Variants in FAM83E observed in about 807,000 individuals in gnomAD.
FAM83E encodes scaffolding CK1 anchoring protein E, also known as protein FAM83E.
In FAM83E, 29 loss-of-function variants were observed where a neutral mutation model predicts 34.3. The ratio of observed to expected loss-of-function variants is 0.85; its 90% confidence interval spans 0.63 to 1.15. The LOEUF is 1.15. FAM83E is among the 50% of genes most tolerant of loss of function. The pLI is 0.00. For synonymous variants in FAM83E, 312 were observed against 311.6 expected (o/e 1.00, Z -0.01); for missense variants, 697 against 685.0 (o/e 1.02, Z -0.20).
rs1974013737 is a variant in FAM83E at position 48,610,015 on chromosome 19, A to C, written c.634-15T>G. 6.2e-7 allele frequency: 1 copy of C among 1,609,092 alleles called. No homozygotes were observed. Among genetic ancestry groups the C allele is most frequent in the Non-Finnish European group, 8.5e-7 (1 of 1,179,680 alleles). On this transcript the variant is annotated splice_polypyrimidine_tract_variant and intron_variant, in intron 4 of 6. Transcript: ENST00000263266. Reference sequence around the variant, plus strand: ...ACATCCACGTTCTGTTGGTGTGGGGAGTGGAGGGTACACCCTTGCTGAGGC... The same window carrying C: ...ACATCCACGTTCTGTTGGTGTGGGGCGTGGAGGGTACACCCTTGCTGAGGC...
rs1262989650 is a variant in FAM83E at position 48,601,119 on chromosome 19, C to T, written c.1427G>A (p.Gly476Glu). Residue 476 changes from glycine to glutamate, a missense_variant, in exon 7 of 7, where the codon GGG (glycine) becomes GAG (glutamate). Coordinates refer to ENST00000263266, the MANE Select transcript of FAM83E (RefSeq NM_017708.4). The stretch of plus-strand genomic sequence containing the variant: ...GGCTTGGGCTCCTGTTCAGGGTTGC[C>T]CCCCAAGTCCTGCCCGGGGGGCCCA... ...SDWAPRAGLG[G>E]QP The T allele has an allele frequency of 1.2e-6, 2 of 1,611,174 alleles. No homozygotes were observed. The highest frequency in any genetic ancestry group is 1.7e-4 in the Middle Eastern group (1 of 6,048).
intron 3 of FAM83E, 118 bp from the exon 4 acceptor site, chr19:48,610,965 G>T: frequency 2.8e-6 from 3 of 1,065,042 alleles, no homozygotes; most frequent in African/African-American, 1.6e-5. Context: ...GGGGCTGGGA[G>T]TTTAAAGTTC....
chr19:48,610,575 G>C (rs1239673264), intron 4 of FAM83E, 105 bp downstream of exon 4: 1 of 1,326,012 alleles, frequency 7.5e-7, no homozygotes. Context: ...GACCATCCCT[G>C]CTAGCATCCA....
chr19:48,611,385 G>C (rs1974039724), intron 3 of FAM83E, among the ~76,000 whole-genome samples: 1 of 151,360 alleles, frequency 6.6e-6, no homozygotes, highest in Non-Finnish European at 1.5e-5. Flanking sequence ...AGCCAGGATG[G>C]TCTCGATCTC....
Position 48,613,916 on chromosome 19 carries a change from C to T in FAM83E, c.-544G>A. The T allele has an allele frequency of 1.0e-6, 1 of 985,438 alleles. No individual in the cohort carries two copies. The highest frequency in any genetic ancestry group is 1.2e-6 in the Non-Finnish European group (1 of 829,940). 61.0% of individuals were successfully genotyped at this position (985,438 alleles called of 1,614,324 possible). On this transcript the variant is annotated 5_prime_UTR_variant, in exon 3 of 7. Transcript: ENST00000263266. ...GGCACGACAGGTTGCCTGCCTGCCCCCGGCCAAGAGCACGACGAACTGACC... is the reference window on the plus strand; with the variant it reads ...GGCACGACAGGTTGCCTGCCTGCCCTCGGCCAAGAGCACGACGAACTGACC...
chr19:48,605,019 CAAAAAAAAA>C (rs72014229), intron 5 of FAM83E, among the ~76,000 whole-genome samples: 18 of 75,712 alleles, frequency 2.4e-4, no homozygotes, highest in South Asian at 1.6e-3. Context: ...GACTCTGACT[CAAAAAAAAA>C]AAAAAAAAAA....
At chr19:48,610,581 A>C in intron 4 of FAM83E, 99 bp downstream of exon 4, 1 of 1,347,150 alleles carries the variant, frequency 7.4e-7, no homozygotes, top group South Asian at 1.5e-5. Flanking sequence ...CCCTGCTAGC[A>C]TCCATCTCAA....
chr19:48,600,867 G>T lies in FAM83E; in HGVS notation c.*242C>A. On this transcript the variant is annotated 3_prime_UTR_variant, in exon 7 of 7. Coordinates refer to ENST00000263266, the MANE Select transcript of FAM83E (RefSeq NM_017708.4). ...GGGGTCTCACTATGTTGCCCAGGCT[G>T]GTCTCCAACTCCTGGCCTTAAGCAA... The T allele has an allele frequency of 1.5e-6, 1 of 670,690 alleles. No homozygotes were observed. Among genetic ancestry groups the T allele is most frequent in the Non-Finnish European group, 2.2e-6 (1 of 455,098 alleles). 41.5% of individuals were successfully genotyped at this position (670,690 alleles called of 1,614,324 possible).
chr19:48,606,138 C>G (rs1242511731), intron 5 of FAM83E, among the ~76,000 whole-genome samples: 1 of 151,974 alleles, frequency 6.6e-6, no homozygotes, highest in Admixed American at 6.6e-5. Flanking sequence ...TGGTGAAACC[C>G]TGTCTCTACT....
At chr19:48,603,169 C>T (rs1052380887) in intron 6 of FAM83E, among the ~76,000 whole-genome samples, 1 of 152,000 alleles carries the variant, frequency 6.6e-6, no homozygotes, top group Non-Finnish European at 1.5e-5. Flanking sequence ...GGAATGAGTG[C>T]CCTTGCTCTG....
rs1249051299 is a variant in FAM83E, at chr19:48,613,012, C to T, written c.361G>A (p.Ala121Thr). 3 of 1,604,754 alleles carry T rather than the reference C, an allele frequency of 1.9e-6. No homozygotes were observed. Among genetic ancestry groups the T allele is most frequent in the South Asian group, 2.2e-5 (2 of 89,760 alleles). ...VLRLGWPVDS[A>T]WKGITRAQLY... ...TGCGCCCGGGTGATGCCTTTCCACG[C>T]AGAGTCCACTGGCCAGCCCAGCCGC... The change falls in exon 3 of 7, where the codon GCG (alanine) becomes ACG (threonine). Residue 121 changes from alanine (A) to threonine (T), a missense_variant. By Grantham distance (58) the Ala-to-Thr change is moderately conservative. Transcript: ENST00000263266.
In FAM83E at chr19:48,600,993, AGACGCC is replaced by A. The variant is rs551037769; in HGVS notation, c.*110_*115del. 3.1e-4 allele frequency: 460 copies of A among 1,478,258 alleles called. 3 individuals are homozygous for A. In the South Asian group the frequency reaches 6.0e-3, roughly 19 times the overall value. 91.6% of individuals were successfully genotyped at this position (1,478,258 alleles called of 1,614,324 possible). A position where few individuals can be genotyped will look rare whatever the true frequency, so the allele number is the denominator to read the frequency against. On this transcript the variant is annotated 3_prime_UTR_variant, in exon 7 of 7. Coordinates refer to ENST00000263266, the MANE Select transcript of FAM83E (RefSeq NM_017708.4). ...GTGACAAACATCCCTTCTGCTTGAC[AGACGCC>A]GAGGCCAGAAGCCTTGTCCAAGGCA... is the stretch of plus-strand genomic sequence containing the variant.
chr19:48,611,619 C>G (rs1290164256), intron 3 of FAM83E, among the ~76,000 whole-genome samples: 1 of 152,188 alleles, frequency 6.6e-6, no homozygotes, highest in Admixed American at 6.5e-5. Flanking sequence ...AGGCACCCAC[C>G]ACCACGCCCG....
chr19:48,600,650 C>CT lies in FAM83E; in HGVS notation c.*458dup, dbSNP rs780157808. ...CGATCAGCCTTTCTTTTTCTTTTTT[C>CT]TTTTTTTTTTTTTTTTAAAGAGATG... On this transcript the variant is annotated 3_prime_UTR_variant, in exon 7 of 7. Transcript: ENST00000263266. 0.013 allele frequency among the ~76,000 whole-genome samples: 1,722 copies of CT among 136,670 alleles called. 28 individuals are homozygous for CT. The highest frequency in any genetic ancestry group is 0.038 in the African/African-American group (1,400 of 37,282). 89.7% of individuals were successfully genotyped at this position (136,670 alleles called of 152,430 possible).
chr19:48,610,310 A>G (rs1317574377), intron 4 of FAM83E, among the ~76,000 whole-genome samples: 3 of 148,980 alleles, frequency 2.0e-5, no homozygotes, highest in African/African-American at 7.5e-5. Context: ...AAGGCAGGAG[A>G]ATCGTTTGAA....
chr19:48,607,972 C>T (rs1422641210), intron 5 of FAM83E, among the ~76,000 whole-genome samples: 2 of 152,168 alleles, frequency 1.3e-5, no homozygotes, highest in Non-Finnish European at 2.9e-5. Context: ...ATCCTGGTCT[C>T]AACTCCAATC....
chr19:48,606,618 C>T (rs1973932785), intron 5 of FAM83E: 1 of 272,388 alleles, frequency 3.7e-6, no homozygotes, highest in African/African-American at 2.1e-5. Flanking sequence ...ATGGCAGAGC[C>T]CTCTTGCGCC....
chr19:48,602,165 A>AAAAAAAAAAAAAAAAG (rs1973828651), intron 6 of FAM83E, among the ~76,000 whole-genome samples: 3 of 125,004 alleles, frequency 2.4e-5, no homozygotes, highest in Non-Finnish European at 5.1e-5. Flanking sequence ...AAAAAAAAAA[A>AAAAAAAAAAAAAAAAG]TGGGTGGAGG....
In FAM83E at chr19:48,603,704, G is replaced by A. The variant is rs754452296; in HGVS notation, c.966C>T (p.Pro322=). 1.9e-4 allele frequency: 256 copies of A among 1,380,426 alleles called. 2 individuals carry two copies. The South Asian group carries it at 2.1e-3, about 11-fold the overall frequency. The allele number at this position is 1,380,426 out of a possible 1,614,324, so 85.5% of individuals were successfully genotyped here. Residue 322 remains proline, a synonymous_variant, in exon 6 of 7, where the codon CCC becomes CCT. Transcript: ENST00000263266. The stretch of plus-strand genomic sequence containing the variant: ...GGCCGTCAGGCGGCGGAGGCGACGC[G>A]GGGGCCACGGAGCGGCGGCGGGACA... ...HRVSRRRSVA[P]ASPPPPDGPL...
Sources: gnomAD v4.1 joint callset for allele counts (sites outside exome capture counted in the v4.1 genomes callset) on GRCh38, gnomAD v4.1.1 for gene constraint, MANE v1.5 for transcripts, NCBI Gene and HGNC (gene_info 2026-07-23, HGNC 2026-07-21) for gene names.